METTL6: variants seen among roughly 807,000 people sequenced by gnomAD.
METTL6 encodes methyltransferase 6, tRNA N3-cytidine.
Under a neutral mutation model 26.4 loss-of-function variants are expected in METTL6, and 22 were observed. The ratio of observed to expected loss-of-function variants is 0.83; its 90% CI spans 0.59 to 1.19. METTL6 has a LOEUF of 1.19. Among genes scored for constraint, METTL6 ranks in the 50% most tolerant of loss-of-function variants. The pLI is 0.00. For missense variants in METTL6, 304 were observed against 324.8 expected (o/e 0.94, Z 0.49); for synonymous variants, 109 against 116.2 (o/e 0.94, Z 0.40).
In METTL6 at chr3:15,382,684, G is replaced by T. The variant is rs1031935507; in HGVS notation, c.*1515C>A. On this transcript the variant is annotated 3_prime_UTR_variant, in exon 7 of 7. Coordinates refer to the METTL6 transcript ENST00000443029. ...GCTTCAAAAAAAAAAAAAAAAAAAA[G>T]ACAGACTAAGCATGTGTACCTAGTT... 7.1e-5 allele frequency: 8 copies of T among 112,896 alleles called. 1 individual carries two copies. The highest frequency in any genetic ancestry group is 5.6e-4 in the South Asian group (2 of 3,556). 7.0% of individuals were successfully genotyped at this position (112,896 alleles called of 1,614,324 possible). A position where few individuals can be genotyped will look rare whatever the true frequency, so the allele number is the denominator to read the frequency against.
intron 5 of METTL6, chr3:15,413,649 G>A: frequency 8.5e-7 from 1 of 1,181,046 alleles, no homozygotes; most frequent in Non-Finnish European, 1.1e-6. Context: ...TTGTGCCATG[G>A]GAAAGTAATC....
intron 6 of METTL6, among the ~76,000 whole-genome samples, chr3:15,393,061 G>T (rs1239344500): frequency 1.4e-4 from 22 of 152,236 alleles, no homozygotes; most frequent in Middle Eastern, 6.8e-3. Flanking sequence ...GAGAGGGATG[G>T]CATTGAATCT....
At chr3:15,420,102 T>C (rs550817213) in intron 3 of METTL6, among the ~76,000 whole-genome samples, 1 of 152,270 alleles carries the variant, frequency 6.6e-6, no homozygotes, top group Non-Finnish European at 1.5e-5. Flanking sequence ...CCTCGTGATC[T>C]GCCCACCTCG....
intron 3 of METTL6, among the ~76,000 whole-genome samples, chr3:15,420,153 C>T (rs1283650810): frequency 7.9e-5 from 12 of 152,112 alleles, no homozygotes; most frequent in Non-Finnish European, 1.2e-4. Flanking sequence ...AGCCACTGCA[C>T]CAGCCAGGTA....
At chr3:15,415,729 T>G in intron 4 of METTL6, 43 bp downstream of exon 4, 1 of 1,603,610 alleles carries the variant, frequency 6.2e-7, no homozygotes, top group South Asian at 1.1e-5. Flanking sequence ...AGTAAAAGAA[T>G]CCAGACTGTC....
intron 3 of METTL6, among the ~76,000 whole-genome samples, chr3:15,420,803 G>C (rs1575433697): frequency 6.6e-6 from 1 of 152,256 alleles, no homozygotes; most frequent in South Asian, 2.1e-4. Flanking sequence ...AAAACACTTA[G>C]GGAAGTGAAA....
At chr3:15,419,971 C>T (rs1445674085) in intron 3 of METTL6, among the ~76,000 whole-genome samples, 4 of 151,536 alleles carry the variant, frequency 2.6e-5, no homozygotes, top group Non-Finnish European at 5.9e-5. Context: ...ATGCCGTTCT[C>T]CTGCCTCAGC....
exon 7 of METTL6, chr3:15,382,682 A>AC (rs1391538086): frequency 6.6e-6 from 1 of 151,634 alleles, no homozygotes; most frequent in East Asian, 1.9e-4. Flanking sequence ...AAAAAAAAAA[A>AC]AGACAGACTA....
intron 3 of METTL6, among the ~76,000 whole-genome samples, chr3:15,418,004 G>C (rs947802476): frequency 2.0e-5 from 3 of 152,102 alleles, no homozygotes; most frequent in African/African-American, 7.2e-5. Flanking sequence ...TTGCTAGAGG[G>C]GTTTGAAGTC....
downstream of METTL6, among the ~76,000 whole-genome samples, chr3:15,408,805 T>G (rs1035517383): frequency 6.6e-6 from 1 of 152,054 alleles, no homozygotes; most frequent in African/African-American, 2.4e-5. Context: ...CTTTCCTACT[T>G]TAAATGGCCT....
At chr3:15,399,051 T>C (rs961296773) in intron 6 of METTL6, among the ~76,000 whole-genome samples, 2 of 152,054 alleles carry the variant, frequency 1.3e-5, no homozygotes, top group Non-Finnish European at 2.9e-5. Flanking sequence ...GCGCATTACA[T>C]GATAATTAAA....
Position 15,422,717 on chromosome 3 carries a change from C to T in METTL6, c.360+2238G>A, listed in dbSNP as rs115567394. On this transcript the variant is annotated intron_variant, in intron 3 of 5. Transcript: ENST00000383790. ...AAAACTGTGAAAGGTTGATGGGGAA[C>T]GAGATACTTGCAATGTCACCAAAGT... is the stretch of plus-strand genomic sequence containing the variant. Among the ~76,000 whole-genome samples the T allele has an allele frequency of 6.7e-3, 1,026 of 152,058 alleles. 19 individuals are homozygous for T. The highest frequency in any genetic ancestry group is 0.024 in the African/African-American group (981 of 41,470).
At chr3:15,397,955 C>G (rs1699536908) in intron 6 of METTL6, among the ~76,000 whole-genome samples, 2 of 152,150 alleles carry the variant, frequency 1.3e-5, no homozygotes. Context: ...TCAACAGCTC[C>G]TGTGGCCTCA....
intron 6 of METTL6, among the ~76,000 whole-genome samples, chr3:15,390,125 T>C (rs1432650359): frequency 6.6e-6 from 1 of 151,932 alleles, no homozygotes; most frequent in Non-Finnish European, 1.5e-5. Context: ...TTCAGTAGTT[T>C]CAACATTTTA....
At chr3:15,395,435 G>T (rs1477717852) in intron 6 of METTL6, among the ~76,000 whole-genome samples, 1 of 151,988 alleles carries the variant, frequency 6.6e-6, no homozygotes, top group East Asian at 1.9e-4. Context: ...CAGACTGATG[G>T]GTCTTGACTC....
In METTL6 at chr3:15,410,269, A is replaced by G. The variant is rs1201406530; in HGVS notation, c.*987T>C. Reference sequence around the variant, plus strand: ...GATGGTACCAAACTCTAAAAAAAAAAGAACAACTTTAACAATATACCGTAA... The same window carrying G: ...GATGGTACCAAACTCTAAAAAAAAAGGAACAACTTTAACAATATACCGTAA... On this transcript the variant is annotated 3_prime_UTR_variant, in exon 6 of 6. Coordinates refer to ENST00000383790, the MANE Select transcript of METTL6 (RefSeq NM_152396.4). Among the ~76,000 whole-genome samples the G allele has an allele frequency of 6.6e-6, 1 of 152,120 alleles. No homozygotes were observed. The highest frequency in any genetic ancestry group is 1.9e-4 in the East Asian group (1 of 5,198).
At chr3:15,384,211 TAAAAG>T (rs1170596513) in intron 6 of METTL6, 4 of 354,216 alleles carry the variant, frequency 1.1e-5, no homozygotes, top group Non-Finnish European at 2.2e-5. Flanking sequence ...AAAAAAGAGA[TAAAAG>T]AAAACAAAAT....
rs1699954168 is a variant in METTL6 at position 15,411,312 on chromosome 3, G to C, written c.799C>G (p.Leu267Val). ...GGAGATGGGTTCTTAGGAGGCTTTA[G>C]AAATTTGCTCTGAAGGAAAACTCTT... is the stretch of plus-strand genomic sequence containing the variant. ...VPRVFLQSKF[L>V]KPPKNPSPVV... The change falls in exon 6 of 6, where the codon CTA becomes GTA. Residue 267 changes from leucine (L) to valine (V), a missense_variant. Physicochemically the swap from Leu to Val is conservative, Grantham distance 32. Coordinates refer to ENST00000383790, the MANE Select transcript of METTL6 (RefSeq NM_152396.4). 1 of 1,614,120 alleles carries C rather than the reference G, an allele frequency of 6.2e-7. No homozygotes were observed. The highest frequency in any genetic ancestry group is 8.5e-7 in the Non-Finnish European group (1 of 1,180,044).
Position 15,415,926 on chromosome 3 carries a change from T to C in METTL6, c.377A>G (p.Asp126Gly), listed in dbSNP as rs1450328233. Reference sequence around the variant, plus strand: ...CTGGAATACCTTGCATCTTTCTGTATCATATAAAGGATTTTGCTACAGGGG... The same window carrying C: ...CTGGAATACCTTGCATCTTTCTGTACCATATAAAGGATTTTGCTACAGGGG... ...IEYVKQNPLY[D>G]TERCKVFQCD... The change falls in exon 4 of 6, where the codon GAT (aspartate) becomes GGT (glycine). Residue 126 changes from aspartate (D) to glycine (G), a missense_variant. Transcript: ENST00000383790. 1 of 1,612,020 alleles carries C rather than the reference T, an allele frequency of 6.2e-7. No individual in the cohort carries two copies. Among genetic ancestry groups the C allele is most frequent in the South Asian group, 1.1e-5 (1 of 90,682 alleles).
Sources: allele counts gnomAD v4.1 joint callset (sites outside exome capture counted in the v4.1 genomes callset), GRCh38; gene constraint gnomAD v4.1.1; transcripts MANE v1.5; gene names NCBI Gene and HGNC (gene_info 2026-07-23, HGNC 2026-07-21).